The following ZPLD1 variants were observed in gnomAD, a reference collection of about 807,000 sequenced individuals.
The protein encoded by ZPLD1 is zona pellucida-like domain-containing protein 1.
A neutral mutation model predicts 47.2 loss-of-function variants in ZPLD1; 34 were observed. The ratio of observed to expected loss-of-function variants is 0.72; its 90% confidence interval spans 0.55 to 0.96. The LOEUF (loss-of-function observed/expected upper bound fraction) is 0.96, where lower values mean the gene tolerates loss of function less well. Ranked by LOEUF, ZPLD1 falls within the 40% of genes least tolerant of loss-of-function variation. ZPLD1 has a pLI of 0.00. For missense variants in ZPLD1, 512 were observed against 505.8 expected (o/e 1.01, Z -0.12); for synonymous variants, 176 against 186.2 (o/e 0.95, Z 0.45).
chr3:102,458,107 A>C (rs1337605161), intron 6 of ZPLD1, among the ~76,000 whole-genome samples: 1 of 152,176 alleles, frequency 6.6e-6, no homozygotes, highest in Non-Finnish European at 1.5e-5. Flanking sequence ...ATTACTTCAA[A>C]TGTCTACCTA....
chr3:102,413,155 A>T (rs942377677), intron 7 of ZPLD1, among the ~76,000 whole-genome samples: 4 of 151,796 alleles, frequency 2.6e-5, no homozygotes, highest in Non-Finnish European at 5.9e-5. Context: ...ACAAATAAAT[A>T]TTAATTAATG....
At chr3:102,453,509 G>A (rs900177275) in intron 4 of ZPLD1, among the ~76,000 whole-genome samples, 2 of 152,134 alleles carry the variant, frequency 1.3e-5, no homozygotes. Context: ...GCAGTGAACC[G>A]CTTGGCCTGT....
upstream of ZPLD1, among the ~76,000 whole-genome samples, chr3:102,430,268 T>G (rs537123485): frequency 3.5e-4 from 54 of 152,374 alleles, 1 homozygote; most frequent in South Asian, 0.011. Context: ...TCTGACTAAC[T>G]TGACTCAGTC....
chr3:102,459,350 A>T (rs956030244), intron 6 of ZPLD1, among the ~76,000 whole-genome samples: 2 of 152,116 alleles, frequency 1.3e-5, no homozygotes, highest in Admixed American at 6.6e-5. Flanking sequence ...AGAATTCCTG[A>T]TTCTAAAAAA....
chr3:102,441,757 A>G (rs943853048), intron 3 of ZPLD1, among the ~76,000 whole-genome samples: 1 of 152,168 alleles, frequency 6.6e-6, no homozygotes, highest in African/African-American at 2.4e-5. Flanking sequence ...TATGTTTTCA[A>G]TATAGACAAT....
chr3:102,408,856 T>C (rs1456328051), intron 7 of ZPLD1, among the ~76,000 whole-genome samples: 1 of 151,808 alleles, frequency 6.6e-6, no homozygotes, highest in East Asian at 1.9e-4. Flanking sequence ...ATCCTTTAAA[T>C]CAGTCTGGAA....
At chr3:102,470,577 C>G in intron 10 of ZPLD1, 75 bp downstream of exon 10, 1 of 1,199,886 alleles carries the variant, frequency 8.3e-7, no homozygotes, top group Non-Finnish European at 1.2e-6. Context: ...CTAACGAGAA[C>G]TCAAAGTGGT....
In ZPLD1 at chr3:102,477,576, A is replaced by T. The variant is rs1409410722; in HGVS notation, c.1206A>T (p.Thr402=). The part of the protein sequence containing the change: ...SLALLHRKGP[T]SLVLNGIRNP... ...CCCTTCTGCACAGGAAGGGACCCAC[A>T]AGTTTAGTGTTGAATGGCATAAGAA... is the stretch of plus-strand genomic sequence containing the variant. Residue 402 remains threonine (T), a synonymous_variant, in exon 12 of 12, where the codon ACA becomes ACT. Transcript: ENST00000466937. The T allele has an allele frequency of 6.2e-7, 1 of 1,613,440 alleles. No homozygotes were observed. Among genetic ancestry groups the T allele is most frequent in the Non-Finnish European group, 8.5e-7 (1 of 1,179,672 alleles).
intron 1 of ZPLD1, among the ~76,000 whole-genome samples, chr3:102,435,380 A>G (rs1707073694): frequency 6.6e-6 from 1 of 152,194 alleles, no homozygotes; most frequent in South Asian, 2.1e-4. Context: ...TTGTAACTCA[A>G]ATAGAGATTC....
chr3:102,389,366 GA>G (rs918294934), intron 6 of ZPLD1, among the ~76,000 whole-genome samples: 1 of 152,138 alleles, frequency 6.6e-6, no homozygotes, highest in Non-Finnish European at 1.5e-5. Context: ...TTCTTAGTGG[GA>G]GGGCTTTAAG....
intron 2 of ZPLD1, among the ~76,000 whole-genome samples, chr3:102,438,128 T>G (rs139403719): frequency 6.6e-6 from 1 of 152,222 alleles, no homozygotes; most frequent in Non-Finnish European, 1.5e-5. Flanking sequence ...TCCAAATTAG[T>G]CTGCCTAGTT....
intron 8 of ZPLD1, among the ~76,000 whole-genome samples, chr3:102,467,481 A>G (rs950316550): frequency 5.3e-5 from 8 of 152,164 alleles, no homozygotes; most frequent in Admixed American, 2.6e-4. Flanking sequence ...AGCTAGACAC[A>G]TAGACAAAAG....
chr3:102,461,851 C>T (rs1400961817), intron 6 of ZPLD1, among the ~76,000 whole-genome samples: 1 of 151,892 alleles, frequency 6.6e-6, no homozygotes, highest in African/African-American at 2.4e-5. Context: ...AGTATAAGAA[C>T]TACAGTGCCT....
chr3:102,435,521 G>A (rs1707076279), intron 1 of ZPLD1, among the ~76,000 whole-genome samples: 1 of 152,106 alleles, frequency 6.6e-6, no homozygotes, highest in East Asian at 1.9e-4. Context: ...TGGAGGGTAC[G>A]ACCTGCACAT....
At position 102,456,314 on chromosome 3, in the gene ZPLD1, T is replaced by A. The variant is rs950018667; in HGVS notation, c.449T>A (p.Leu150His). 6.2e-7 allele frequency: 1 copy of A among 1,613,712 alleles called. No homozygotes were observed. The highest frequency in any genetic ancestry group is 1.3e-5 in the African/African-American group (1 of 74,930). Residue 150 changes from leucine to histidine, a missense_variant, in exon 5 of 12, where the codon CTT (leucine) becomes CAT (histidine). Transcript: ENST00000466937. ...ATCATCAGCTATCTACCTGGGCTTCTTTACAAATTTAGTTGTAGTTATCCA... is the reference window on the plus strand; with the variant it reads ...ATCATCAGCTATCTACCTGGGCTTCATTACAAATTTAGTTGTAGTTATCCA... ...PTIISYLPGL[L>H]YKFSCSYPLE... is the part of the protein sequence containing the mutation.
intron 3 of ZPLD1, among the ~76,000 whole-genome samples, chr3:102,443,459 C>A (rs1176544965): frequency 1.3e-5 from 2 of 152,042 alleles, no homozygotes; most frequent in Non-Finnish European, 1.5e-5. Flanking sequence ...TTCCATCAAA[C>A]AATGATGTCT....
intron 6 of ZPLD1, among the ~76,000 whole-genome samples, chr3:102,388,419 C>G (rs1292454483): frequency 6.7e-6 from 1 of 149,690 alleles, no homozygotes; most frequent in Non-Finnish European, 1.5e-5. Context: ...ATTGGATTTT[C>G]TCTCCTGGAG....
At position 102,435,029 on chromosome 3, in the gene ZPLD1, A is replaced by C; in HGVS notation, c.-248A>C. The C allele has an allele frequency of 6.8e-7, 1 of 1,474,214 alleles. No individual in the cohort carries two copies. The highest frequency in any genetic ancestry group is 1.1e-5 in the South Asian group (1 of 87,530). 91.3% of individuals were successfully genotyped at this position (1,474,214 alleles called of 1,614,324 possible). On this transcript the variant is annotated 5_prime_UTR_variant, in exon 1 of 12. Coordinates refer to ENST00000466937, the MANE Select transcript of ZPLD1 (RefSeq NM_001329788.2). ...TTTGAGGAATGTAAAGGGTGTTAAC[A>C]TAATCCCCCAATCCCATACAATTCA... is the stretch of plus-strand genomic sequence containing the variant.
At chr3:102,435,637 A>ATTTT (rs60085952) in intron 1 of ZPLD1, among the ~76,000 whole-genome samples, 21 of 117,364 alleles carry the variant, frequency 1.8e-4, no homozygotes, top group East Asian at 2.4e-4. Flanking sequence ...CATCATCTTG[A>ATTTT]TTTTTTTTTT....
Sources: allele counts gnomAD v4.1 joint callset (sites outside exome capture counted in the v4.1 genomes callset), GRCh38; gene constraint gnomAD v4.1.1; transcripts MANE v1.5; gene names NCBI Gene and HGNC (gene_info 2026-07-23, HGNC 2026-07-21).